LTBP1: variants seen among roughly 807,000 people sequenced by gnomAD.
LTBP1 encodes the protein latent transforming growth factor beta binding protein 1.
Under a neutral mutation model 207.6 loss-of-function variants are expected in LTBP1, and 129 were observed. The observed-to-expected ratio is 0.62, with a 90% CI of 0.54 to 0.72. The LOEUF (loss-of-function observed/expected upper bound fraction) is 0.72. Ranked by LOEUF, LTBP1 falls within the 30% of genes least tolerant of loss-of-function variation. The pLI is 0.00. For missense variants in LTBP1, 2,281 were observed against 2,217.2 expected (o/e 1.03, Z -0.58); for synonymous variants, 963 against 833.7 (o/e 1.16, Z -2.67).
intron 2 of LTBP1, among the ~76,000 whole-genome samples, chr2:33,011,070 A>G (rs958371627): frequency 6.6e-6 from 1 of 152,068 alleles, no homozygotes; most frequent in Non-Finnish European, 1.5e-5. Context: ...TTTTACCACT[A>G]TATTGGTTGT....
At chr2:33,274,338 CTT>C (rs71912114) in intron 16 of LTBP1, among the ~76,000 whole-genome samples, 7 of 146,896 alleles carry the variant, frequency 4.8e-5, no homozygotes, top group Non-Finnish European at 6.0e-5. Flanking sequence ...TTTAATTTCT[CTT>C]TTTTTTTTTA....
chr2:32,987,382 T>A (rs546286225), intron 2 of LTBP1, among the ~76,000 whole-genome samples: 1 of 152,176 alleles, frequency 6.6e-6, no homozygotes, highest in Non-Finnish European at 1.5e-5. Context: ...TGCTTGCTGT[T>A]CATGTATTGA....
At chr2:33,212,294 TTATTTG>T (rs1223314735) in intron 7 of LTBP1, among the ~76,000 whole-genome samples, 4 of 152,208 alleles carry the variant, frequency 2.6e-5, no homozygotes, top group African/African-American at 4.8e-5. Context: ...TCCTTTTGCC[TTATTTG>T]TATAAGTGCT....
intron 5 of LTBP1, among the ~76,000 whole-genome samples, chr2:33,170,276 C>T (rs1243954889): frequency 1.3e-5 from 2 of 152,192 alleles, no homozygotes; most frequent in East Asian, 1.9e-4. Flanking sequence ...CAGACGGCAC[C>T]TGGAAAATCG....
At chr2:33,350,089 T>A (rs1442621926) in intron 26 of LTBP1, among the ~76,000 whole-genome samples, 2 of 152,214 alleles carry the variant, frequency 1.3e-5, no homozygotes, top group Non-Finnish European at 2.9e-5. Context: ...GACCAAAACA[T>A]TTTAAACCAA....
chr2:33,026,267 C>T (rs764758165), intron 3 of LTBP1, among the ~76,000 whole-genome samples: 1 of 152,088 alleles, frequency 6.6e-6, no homozygotes, highest in African/African-American at 2.4e-5. Flanking sequence ...CCACCTCAAC[C>T]CCACCAACTC....
At chr2:33,166,448 A>G (rs904727768) in intron 5 of LTBP1, among the ~76,000 whole-genome samples, 1 of 152,216 alleles carries the variant, frequency 6.6e-6, no homozygotes, top group Admixed American at 6.5e-5. Context: ...TAGTGATGGT[A>G]GTTTTAATTT....
intron 3 of LTBP1, among the ~76,000 whole-genome samples, chr2:33,105,441 C>CT (rs199792865): frequency 0.093 from 13,461 of 144,592 alleles, 1,110 homozygotes; most frequent in East Asian, 0.47. Flanking sequence ...TGATCTTCTG[C>CT]TTTTTTTTTT....
intron 2 of LTBP1, among the ~76,000 whole-genome samples, chr2:32,976,814 A>C (rs1459417025): frequency 3.3e-5 from 5 of 152,180 alleles, no homozygotes; most frequent in African/African-American, 1.2e-4. Flanking sequence ...TCTCTCACTG[A>C]CCTGAAAGTG....
intron 26 of LTBP1, among the ~76,000 whole-genome samples, chr2:33,353,919 G>A (rs1372391474): frequency 1.3e-5 from 2 of 150,852 alleles, no homozygotes; most frequent in Admixed American, 6.6e-5. Context: ...GAGTGCAGTG[G>A]CACCATCTTG....
At chr2:33,201,532 A>T (rs1267806343) in intron 7 of LTBP1, among the ~76,000 whole-genome samples, 1 of 152,076 alleles carries the variant, frequency 6.6e-6, no homozygotes, top group South Asian at 2.1e-4. Flanking sequence ...AATGCTAAAT[A>T]ACGAGTTAAT....
chr2:33,225,258 T>G (rs1419621504), intron 9 of LTBP1, among the ~76,000 whole-genome samples: 2 of 152,208 alleles, frequency 1.3e-5, no homozygotes, highest in Non-Finnish European at 2.9e-5. Context: ...AATTGGAACA[T>G]TCAGTGTATC....
At chr2:33,374,530 C>T (rs756126977) in intron 31 of LTBP1, among the ~76,000 whole-genome samples, 2 of 152,158 alleles carry the variant, frequency 1.3e-5, no homozygotes, top group African/African-American at 2.4e-5. Flanking sequence ...GGCCGTCATG[C>T]GGGCACAGAG....
chr2:33,182,903 T>C (rs2086817424), intron 5 of LTBP1, among the ~76,000 whole-genome samples: 1 of 151,584 alleles, frequency 6.6e-6, no homozygotes, highest in Non-Finnish European at 1.5e-5. Context: ...GTGTAGGTTA[T>C]TAATATATAG....
At chr2:33,308,585 G>A (rs763468369) in intron 22 of LTBP1, among the ~76,000 whole-genome samples, 18 of 152,156 alleles carry the variant, frequency 1.2e-4, no homozygotes, top group Non-Finnish European at 2.2e-4. Context: ...TTGTCTAAAT[G>A]CATATGACCC....
chr2:33,109,242 G>A (rs939710222), intron 3 of LTBP1, among the ~76,000 whole-genome samples: 3 of 152,180 alleles, frequency 2.0e-5, no homozygotes, highest in Non-Finnish European at 2.9e-5. Context: ...GACATTGTAC[G>A]GTGGTGTTTT....
chr2:33,018,562 C>T (rs1038266718), intron 2 of LTBP1, among the ~76,000 whole-genome samples: 1 of 152,112 alleles, frequency 6.6e-6, no homozygotes, highest in African/African-American at 2.4e-5. Context: ...GGATCCCATT[C>T]CCATTCCTGT....
At chr2:33,051,381 A>C (rs1370656207) in intron 3 of LTBP1, among the ~76,000 whole-genome samples, 1 of 152,058 alleles carries the variant, frequency 6.6e-6, no homozygotes, top group Non-Finnish European at 1.5e-5. Flanking sequence ...ATGCCACTTT[A>C]ACTCCAACCT....
At chr2:33,039,426 A>G (rs1269010545) in intron 3 of LTBP1, among the ~76,000 whole-genome samples, 1 of 152,180 alleles carries the variant, frequency 6.6e-6, no homozygotes, top group Admixed American at 6.5e-5. Flanking sequence ...GGGAAACAGT[A>G]TTGTATCCAT....
Sources: allele counts gnomAD v4.1 joint callset (sites outside exome capture counted in the v4.1 genomes callset), GRCh38; gene constraint gnomAD v4.1.1; transcripts MANE v1.5; gene names NCBI Gene and HGNC (gene_info 2026-07-23, HGNC 2026-07-21).